Variants in DCC observed in about 807,000 individuals in gnomAD.
DCC encodes the protein netrin receptor DCC.
In DCC, 58 loss-of-function variants were observed where a neutral mutation model predicts 172.5. The observed-to-expected ratio is 0.34, with a 90% confidence interval of 0.27 to 0.42. DCC has a LOEUF of 0.42. Among genes scored for constraint, DCC ranks in the 10% least tolerant of loss-of-function variants. The pLI is 1.00. For synonymous variants in DCC, 709 were observed against 644.5 expected (o/e 1.10, Z -1.52); for missense variants, 1,740 against 1,791.0 (o/e 0.97, Z 0.51).
At chr18:52,905,427 T>C (rs1358836098) in intron 2 of DCC, among the ~76,000 whole-genome samples, 2 of 152,214 alleles carry the variant, frequency 1.3e-5, no homozygotes, top group Admixed American at 1.3e-4. Flanking sequence ...TAATTCCAGC[T>C]TTTAAATCTT....
intron 3 of DCC, among the ~76,000 whole-genome samples, chr18:52,920,020 C>CAA (rs373883714): frequency 0.02 from 2,042 of 100,070 alleles, 42 homozygotes; most frequent in African/African-American, 0.038. Context: ...TGTCCATATA[C>CAA]AAAAAAAAAA....
At chr18:52,955,203 T>C (rs1043909501) in intron 5 of DCC, among the ~76,000 whole-genome samples, 5 of 152,100 alleles carry the variant, frequency 3.3e-5, no homozygotes, top group Non-Finnish European at 5.9e-5. Flanking sequence ...TCCTTTGTGC[T>C]CTCCCTATTC....
chr18:53,055,952 T>C (rs2042398095), intron 5 of DCC, among the ~76,000 whole-genome samples: 1 of 152,116 alleles, frequency 6.6e-6, no homozygotes, highest in Non-Finnish European at 1.5e-5. Context: ...GCATTTCTCA[T>C]CTCACACTTG....
At chr18:52,719,403 T>C (rs2036438593) in intron 1 of DCC, among the ~76,000 whole-genome samples, 1 of 151,982 alleles carries the variant, frequency 6.6e-6, no homozygotes, top group Non-Finnish European at 1.5e-5. Flanking sequence ...GTTGAGAGAA[T>C]AAAGCGTTGA....
At chr18:53,120,261 C>T (rs1027961795) in intron 7 of DCC, among the ~76,000 whole-genome samples, 1 of 151,694 alleles carries the variant, frequency 6.6e-6, no homozygotes, top group Non-Finnish European at 1.5e-5. Context: ...GTATAAAATA[C>T]TATTCATTTG....
intron 1 of DCC, among the ~76,000 whole-genome samples, chr18:52,428,524 C>T (rs1297043203): frequency 6.6e-6 from 1 of 152,042 alleles, no homozygotes; most frequent in Non-Finnish European, 1.5e-5. Context: ...ACCATCGAAA[C>T]CCAACAACAA....
At chr18:53,193,063 T>C (rs2055390321) in intron 9 of DCC, among the ~76,000 whole-genome samples, 1 of 152,170 alleles carries the variant, frequency 6.6e-6, no homozygotes, top group Admixed American at 6.5e-5. Flanking sequence ...TTCAAGCTGT[T>C]TTCCTCTCTC....
At chr18:53,138,702 G>A (rs1340339416) in intron 7 of DCC, among the ~76,000 whole-genome samples, 5 of 152,100 alleles carry the variant, frequency 3.3e-5, no homozygotes, top group Non-Finnish European at 7.4e-5. Flanking sequence ...TTACAATTTT[G>A]TCGTTGAATT....
intron 1 of DCC, among the ~76,000 whole-genome samples, chr18:52,720,969 G>A (rs1056461851): frequency 2.0e-5 from 3 of 152,120 alleles, no homozygotes; most frequent in Non-Finnish European, 4.4e-5. Flanking sequence ...CTTCCCAGCC[G>A]AAGCCCTCTT....
chr18:53,222,357 CT>C (rs1167398148), intron 12 of DCC, among the ~76,000 whole-genome samples: 1 of 130,504 alleles, frequency 7.7e-6, no homozygotes, highest in Non-Finnish European at 1.7e-5. Context: ...GAATACTTAC[CT>C]TTTTCTTTTT....
At chr18:52,643,103 G>T (rs894952751) in intron 1 of DCC, among the ~76,000 whole-genome samples, 1 of 152,144 alleles carries the variant, frequency 6.6e-6, no homozygotes, top group Admixed American at 6.5e-5. Context: ...AATGCCAAGA[G>T]AAAAGAAGAA....
chr18:53,204,476 G>T (rs781742042), intron 9 of DCC, among the ~76,000 whole-genome samples: 1 of 151,716 alleles, frequency 6.6e-6, no homozygotes, highest in Admixed American at 6.6e-5. Context: ...GACCCCAGGA[G>T]TTCAAGGTTG....
intron 3 of DCC, among the ~76,000 whole-genome samples, chr18:52,918,985 C>G (rs954650873): frequency 6.6e-6 from 1 of 152,086 alleles, no homozygotes; most frequent in Non-Finnish European, 1.5e-5. Flanking sequence ...TTTATATGAA[C>G]AGTTTCTCTG....
intron 8 of DCC, among the ~76,000 whole-genome samples, chr18:53,160,924 G>A (rs2144408273): frequency 6.6e-6 from 1 of 152,178 alleles, no homozygotes; most frequent in Non-Finnish European, 1.5e-5. Context: ...ACTCTTTAAA[G>A]CGAAACTTTC....
chr18:52,756,965 G>A (rs1315733606), intron 2 of DCC: 2 of 151,808 alleles, frequency 1.3e-5, no homozygotes, highest in African/African-American at 4.8e-5. Flanking sequence ...TTTTTTTCAG[G>A]GCAATGAAAA....
intron 7 of DCC, among the ~76,000 whole-genome samples, chr18:53,125,379 C>A (rs539384228): frequency 6.6e-6 from 1 of 152,004 alleles, no homozygotes; most frequent in Non-Finnish European, 1.5e-5. Flanking sequence ...GCACTCTAAG[C>A]GTCATCTTGG....
intron 2 of DCC, among the ~76,000 whole-genome samples, chr18:52,778,671 G>C (rs1259558472): frequency 1.3e-5 from 2 of 152,086 alleles, no homozygotes; most frequent in Non-Finnish European, 2.9e-5. Context: ...TAATTGCCTA[G>C]TTTTTTCTTT....
At chr18:52,927,155 A>G (rs1484890310) in intron 5 of DCC, among the ~76,000 whole-genome samples, 1 of 50,300 alleles carries the variant, frequency 2.0e-5, no homozygotes. Flanking sequence ...ATGTGTATAT[A>G]TACGTATATA....
At chr18:52,741,249 C>T (rs1315646000) in intron 1 of DCC, among the ~76,000 whole-genome samples, 1 of 152,204 alleles carries the variant, frequency 6.6e-6, no homozygotes, top group African/African-American at 2.4e-5. Context: ...GATCATTTCT[C>T]ATGACCTCTA....
Sources: allele counts gnomAD v4.1 joint callset (sites outside exome capture counted in the v4.1 genomes callset), GRCh38; gene constraint gnomAD v4.1.1; transcripts MANE v1.5; gene names NCBI Gene and HGNC (gene_info 2026-07-23, HGNC 2026-07-21).